The following GOLGA5 variants were observed in gnomAD, a reference collection of about 807,000 sequenced individuals.
The protein encoded by GOLGA5 is golgin subfamily A member 5.
GOLGA5 carries 50 observed loss-of-function variants against 93.5 expected under a neutral mutation model. That is an observed-to-expected ratio of 0.53 (90% CI 0.43 to 0.68). GOLGA5 has a LOEUF of 0.68. GOLGA5 is among the 30% of genes least tolerant of loss of function. The probability of loss-of-function intolerance (pLI) is 0.00; values close to 1 mark genes in which losing one functional copy is unlikely to be tolerated. For missense variants in GOLGA5, 760 were observed against 856.4 expected, an observed-to-expected ratio of 0.89 and a Z score of 1.40; for synonymous variants, 312 against 304.5, an observed-to-expected ratio of 1.02 and a Z score of -0.26.
chr14:92,827,144 G>GAA (rs1885440173), intron 9 of GOLGA5, among the ~76,000 whole-genome samples: 1 of 152,124 alleles, frequency 6.6e-6, no homozygotes, highest in African/African-American at 2.4e-5. Context: ...TAAAAGACTT[G>GAA]AATAGACCCT....
intron 9 of GOLGA5, among the ~76,000 whole-genome samples, chr14:92,826,290 C>CAAAAAAAAA (rs10713083): frequency 7.4e-6 from 1 of 135,650 alleles, no homozygotes. Flanking sequence ...AATACATTGC[C>CAAAAAAAAA]AAAAAAAAAA....
At position 92,824,612 on chromosome 14, in the gene GOLGA5, C is replaced by T; in HGVS notation, c.1687C>T (p.Arg563Ter). The change falls in exon 9 of 13, where the codon CGA becomes TGA. Residue 563 changes from arginine to a stop codon, truncating the protein, a stop_gained. Transcript: ENST00000163416. LOFTEE classifies it high-confidence loss of function. ...KNTLQSRIKDRDEEIQKLRNQ... is the reference protein window; with the variant it reads ...KNTLQSRIKD ...CACATTGCAAAGCAGAATTAAAGATCGAGACGAAGAAATTCAAAAACTCAG... is the reference window on the plus strand; with the variant it reads ...CACATTGCAAAGCAGAATTAAAGATTGAGACGAAGAAATTCAAAAACTCAG... 2 of 1,600,116 alleles carry T rather than the reference C, an allele frequency of 1.2e-6. No individual in the cohort carries two copies. Among genetic ancestry groups the T allele is most frequent in the South Asian group, 1.1e-5 (1 of 90,176 alleles).
At chr14:92,837,233 AAC>A (rs1885660928) in intron 11 of GOLGA5, among the ~76,000 whole-genome samples, 151 bp from the exon 12 acceptor site, 1 of 152,204 alleles carries the variant, frequency 6.6e-6, no homozygotes, top group Non-Finnish European at 1.5e-5. Context: ...GTAATCATTT[AAC>A]AGTCTGCTAT....
chr14:92,822,557 G>A (rs1885337420), intron 8 of GOLGA5, among the ~76,000 whole-genome samples: 1 of 152,130 alleles, frequency 6.6e-6, no homozygotes, highest in African/African-American at 2.4e-5. Flanking sequence ...GCCTTTTTGG[G>A]GAGATTAGCC....
At chr14:92,814,173 G>A (rs1885157111) in intron 6 of GOLGA5, among the ~76,000 whole-genome samples, 1 of 152,142 alleles carries the variant, frequency 6.6e-6, no homozygotes, top group South Asian at 2.1e-4. Context: ...AGAGCGATGT[G>A]TAACCTAACG....
At chr14:92,826,723 A>G (rs2140331331) in intron 9 of GOLGA5, among the ~76,000 whole-genome samples, 1 of 152,056 alleles carries the variant, frequency 6.6e-6, no homozygotes, top group Admixed American at 6.6e-5. Flanking sequence ...AAAAAAAAGA[A>G]AATTATTGCA....
At chr14:92,803,034 A>T (rs1157028384) in intron 2 of GOLGA5, among the ~76,000 whole-genome samples, 2 of 151,908 alleles carry the variant, frequency 1.3e-5, no homozygotes, top group East Asian at 3.8e-4. Flanking sequence ...ATTTTTATTT[A>T]TTATTATTTT....
At chr14:92,838,775 G>A (rs778013968) in intron 12 of GOLGA5, among the ~76,000 whole-genome samples, 7 of 152,288 alleles carry the variant, frequency 4.6e-5, no homozygotes, top group African/African-American at 1.2e-4. Context: ...AGGTGTTAGT[G>A]ATGATGAGTA....
chr14:92,825,613 CA>C (rs1885400653), intron 9 of GOLGA5, among the ~76,000 whole-genome samples: 1 of 152,166 alleles, frequency 6.6e-6, no homozygotes, highest in South Asian at 2.1e-4. Context: ...GAAATCCCAA[CA>C]CTTTGGGAGA....
rs117234506 is a variant in GOLGA5, at chr14:92,817,831, A to G, written c.1491+1410A>G. On this transcript the variant is annotated intron_variant, in intron 7 of 12. Coordinates refer to ENST00000163416, the MANE Select transcript of GOLGA5 (RefSeq NM_005113.4). ...GGTACTTAACAGATGCTGCTTCCAC[A>G]AGGCACTTCATCTTGCGGAGCTTTA... Among the ~76,000 whole-genome samples, 804 of 152,348 alleles carry G rather than the reference A, an allele frequency of 5.3e-3. 4 individuals are homozygous for G. Among genetic ancestry groups the G allele is most frequent in the Middle Eastern group, 0.024 (7 of 294 alleles).
chr14:92,832,501 CAG>C (rs1432818109), intron 9 of GOLGA5, among the ~76,000 whole-genome samples: 11 of 152,172 alleles, frequency 7.2e-5, no homozygotes, highest in African/African-American at 2.4e-4. Context: ...AACTTTCAGC[CAG>C]AGTCTCCTAG....
At position 92,809,498 on chromosome 14, in the gene GOLGA5, C is replaced by T. The variant is rs764987347; in HGVS notation, c.971C>T (p.Ala324Val). 6 of 1,609,950 alleles carry T rather than the reference C, an allele frequency of 3.7e-6. No homozygotes were observed. The highest frequency in any genetic ancestry group is 1.3e-5 in the African/African-American group (1 of 74,700). Reference protein sequence around the residue: ...LLSTRTEALEALQSEKSRIMQ... With the variant: ...LLSTRTEALEVLQSEKSRIMQ... ...AGTACTCGCACAGAAGCATTAGAAGCCTTACAGAGTGAAAAATCACGGTAG... is the reference window on the plus strand; with the variant it reads ...AGTACTCGCACAGAAGCATTAGAAGTCTTACAGAGTGAAAAATCACGGTAG... Residue 324 changes from alanine to valine, a missense_variant, in exon 4 of 13, where the codon GCC becomes GTC. Coordinates refer to ENST00000163416, the MANE Select transcript of GOLGA5 (RefSeq NM_005113.4).
At chr14:92,831,601 G>GT (rs1020181396) in intron 9 of GOLGA5, among the ~76,000 whole-genome samples, 1 of 152,052 alleles carries the variant, frequency 6.6e-6, no homozygotes, top group Non-Finnish European at 1.5e-5. Context: ...GTCACAGTTC[G>GT]TTTTTTGCTT....
intron 1 of GOLGA5, among the ~76,000 whole-genome samples, chr14:92,795,887 C>A (rs1259353072): frequency 6.6e-6 from 1 of 152,210 alleles, no homozygotes; most frequent in Non-Finnish European, 1.5e-5. Context: ...TGAAAGAGTT[C>A]TTGGCAAAAG....
chr14:92,819,362 C>G (rs1313137125), intron 7 of GOLGA5, among the ~76,000 whole-genome samples: 5 of 151,788 alleles, frequency 3.3e-5, no homozygotes, highest in Non-Finnish European at 7.4e-5. Flanking sequence ...GCATGGTAGA[C>G]AGGTTGTGTG....
chr14:92,798,102 T>C lies in GOLGA5; in HGVS notation c.544+121T>C, dbSNP rs1449849975. On this transcript the variant is annotated intron_variant, in intron 2 of 12. Coordinates refer to ENST00000163416, the MANE Select transcript of GOLGA5 (RefSeq NM_005113.4). The stretch of plus-strand genomic sequence containing the variant: ...TGTCTCCACTGGTGTAAGGGCAGAC[T>C]CTCTGCAAATGTGTGGTGTAAACAA... 26 of 694,472 alleles carry C rather than the reference T, an allele frequency of 3.7e-5. No homozygotes were observed. In the Admixed American group the frequency reaches 5.8e-4, roughly 16 times the overall value. 43.0% of individuals were successfully genotyped at this position (694,472 alleles called of 1,614,324 possible). A position where few individuals can be genotyped will look rare whatever the true frequency, so the allele number is the denominator to read the frequency against.
intron 12 of GOLGA5, among the ~76,000 whole-genome samples, chr14:92,839,156 C>G (rs1024020357): frequency 4.6e-5 from 7 of 152,176 alleles, no homozygotes; most frequent in African/African-American, 1.7e-4. Flanking sequence ...AAGTTCAGAG[C>G]TGACTCCTCT....
intron 8 of GOLGA5, among the ~76,000 whole-genome samples, chr14:92,823,949 C>T (rs1021490980): frequency 6.6e-6 from 1 of 152,124 alleles, no homozygotes; most frequent in Admixed American, 6.5e-5. Context: ...ATGTACTCCA[C>T]ACATCTGTTG....
chr14:92,811,792 G>T (rs753828778), intron 6 of GOLGA5, 38 bp downstream of exon 6: 3 of 1,436,844 alleles, frequency 2.1e-6, no homozygotes, highest in East Asian at 2.3e-5. Flanking sequence ...GTTAAGATGT[G>T]CAAGTTAACT....
Sources: gnomAD v4.1 joint callset for allele counts (sites outside exome capture counted in the v4.1 genomes callset) on GRCh38, gnomAD v4.1.1 for gene constraint, MANE v1.5 for transcripts, NCBI Gene and HGNC (gene_info 2026-07-23, HGNC 2026-07-21) for gene names.